EVI5L: variants seen among roughly 807,000 people sequenced by gnomAD.
EVI5L encodes the protein EVI5-like protein.
EVI5L carries 30 observed loss-of-function variants against 106.1 expected under a neutral mutation model. The ratio of observed to expected loss-of-function variants is 0.28; its 90% confidence interval spans 0.21 to 0.38. The LOEUF is 0.38. Among genes scored for constraint, EVI5L ranks in the 10% least tolerant of loss-of-function variants. The pLI is 1.00. For missense variants in EVI5L, 809 were observed against 1,098.0 expected (o/e 0.74, Z 3.72); for synonymous variants, 489 against 483.3 (o/e 1.01, Z -0.15).
Position 7,857,309 on chromosome 19 carries a change from G to A in EVI5L, c.1233+185G>A, listed in dbSNP as rs1979576827. ...CCCGGGGGGGCGGGGCATGTGAAGT[G>A]GGGAGAAGGGTGTGTGTGGAGGGGC... is the stretch of plus-strand genomic sequence containing the variant. On this transcript the variant is annotated intron_variant, in intron 12 of 19. Coordinates refer to ENST00000538904, the MANE Select transcript of EVI5L (RefSeq NM_001159944.3). The surrounding 1 kb of genome is among the most constrained non-coding windows in gnomAD (Gnocchi z 4.5). The A allele has an allele frequency of 4.1e-6, 3 of 727,874 alleles. No homozygotes were observed. The South Asian group carries it at 5.2e-5, about 13-fold the overall frequency. The allele number at this position is 727,874 out of a possible 1,614,324, so 45.1% of individuals were successfully genotyped here. A position where few individuals can be genotyped will look rare whatever the true frequency, so the allele number is the denominator to read the frequency against.
At chr19:7,837,510 T>C (rs1680566434) in intron 1 of EVI5L, among the ~76,000 whole-genome samples, 1 of 152,094 alleles carries the variant, frequency 6.6e-6, no homozygotes, top group African/African-American at 2.4e-5. Context: ...TATTGATATA[T>C]TATTATTAAC....
chr19:7,858,543 C>A lies in EVI5L; in HGVS notation c.1374+212C>A. ...TCCTGATATCCATTTCTTGCCACCTCATAGTGTGTCTGCAGTATCTGACTT... is the reference window on the plus strand; with the variant it reads ...TCCTGATATCCATTTCTTGCCACCTAATAGTGTGTCTGCAGTATCTGACTT... On this transcript the variant is annotated intron_variant, in intron 13 of 19. Coordinates refer to ENST00000538904, the MANE Select transcript of EVI5L (RefSeq NM_001159944.3). The surrounding 1 kb of genome is among the most constrained non-coding windows in gnomAD (Gnocchi z 5.7). The A allele has an allele frequency of 1.5e-6, 1 of 649,692 alleles. No individual in the cohort carries two copies. Among genetic ancestry groups the A allele is most frequent in the South Asian group, 2.0e-5 (1 of 50,506 alleles). The allele number at this position is 649,692 out of a possible 1,614,324, so 40.2% of individuals were successfully genotyped here.
intron 13 of EVI5L, 125 bp from the exon 14 acceptor site, chr19:7,860,436 C>T: frequency 1.2e-6 from 1 of 807,876 alleles, no homozygotes; most frequent in East Asian, 2.8e-5. Flanking sequence ...GCCCAGGACA[C>T]CCCAAGCCTG....
At chr19:7,853,855 A>G (rs1224802807) in intron 10 of EVI5L, among the ~76,000 whole-genome samples, 3 of 152,084 alleles carry the variant, frequency 2.0e-5, no homozygotes, top group African/African-American at 7.2e-5. Flanking sequence ...GTGGGCACTC[A>G]CCCGGGGCCC....
chr19:7,851,022 G>T (rs913161524), intron 6 of EVI5L, among the ~76,000 whole-genome samples: 6 of 60,334 alleles, frequency 9.9e-5, no homozygotes, highest in African/African-American at 1.9e-4. Context: ...GTAACAAGGT[G>T]GGGGGGGGGC....
At chr19:7,860,841 G>C in intron 14 of EVI5L, 152 bp downstream of exon 14, 1 of 956,208 alleles carries the variant, frequency 1.0e-6, no homozygotes, top group Non-Finnish European at 1.5e-6. Flanking sequence ...AACCCCACGC[G>C]GGGCATGCCC....
chr19:7,858,106 G>A lies in EVI5L; in HGVS notation c.1234-85G>A. 2 of 1,495,222 alleles carry A rather than the reference G, an allele frequency of 1.3e-6. No individual in the cohort carries two copies. The highest frequency in any genetic ancestry group is 9.0e-7 in the Non-Finnish European group (1 of 1,114,812). 92.6% of individuals were successfully genotyped at this position (1,495,222 alleles called of 1,614,324 possible). ...ACTTCCCCCCACCTCCACTCTCTGG[G>A]CCTCCCCCTGTGGCGGGAGGCAGGG... On this transcript the variant is annotated intron_variant, in intron 12 of 19. Coordinates refer to ENST00000538904, the MANE Select transcript of EVI5L (RefSeq NM_001159944.3). This position sits in a 1 kb window ranked among gnomAD's most constrained non-coding sequence, Gnocchi z 5.7.
At chr19:7,836,770 G>A (rs891186605) in intron 1 of EVI5L, among the ~76,000 whole-genome samples, 13 of 151,746 alleles carry the variant, frequency 8.6e-5, no homozygotes, top group African/African-American at 2.9e-4. Context: ...ATAGCCATGC[G>A]CCACTACACC....
At chr19:7,849,369 C>T (rs1428904789) in intron 5 of EVI5L, 39 bp downstream of exon 5, 5 of 1,609,166 alleles carry the variant, frequency 3.1e-6, no homozygotes, top group Non-Finnish European at 4.2e-6. Flanking sequence ...TGCCAGACAA[C>T]AGCCCACCCT....
rs919020490 is a variant in EVI5L, at chr19:7,853,137, G to T, written c.1039G>T (p.Val347Phe). 1 of 1,614,022 alleles carries T rather than the reference G, an allele frequency of 6.2e-7. No individual in the cohort carries two copies. The highest frequency in any genetic ancestry group is 8.5e-7 in the Non-Finnish European group (1 of 1,180,046). ...GTTCGACAGCTGCCCGGACAAGCTG[G>T]TCCTCAAAGCCTACCAGGTCAAGTA... ...HQFDSCPDKL[V>F]LKAYQVKYNP... Residue 347 changes from valine to phenylalanine, a missense_variant, in exon 9 of 20, where the codon GTC (valine) becomes TTC (phenylalanine). Transcript: ENST00000538904.
intron 1 of EVI5L, among the ~76,000 whole-genome samples, chr19:7,833,381 T>G (rs1197071202): frequency 6.6e-6 from 1 of 152,260 alleles, no homozygotes; most frequent in African/African-American, 2.4e-5. Context: ...CATTGACATA[T>G]TATCTCATTT....
intron 8 of EVI5L, among the ~76,000 whole-genome samples, chr19:7,852,268 C>T (rs1358215567): frequency 6.6e-6 from 1 of 152,242 alleles, no homozygotes; most frequent in Non-Finnish European, 1.5e-5. Context: ...GGGCCCCTGC[C>T]CCCTCCCCGC....
intron 1 of EVI5L, among the ~76,000 whole-genome samples, chr19:7,841,972 G>T (rs1444830539): frequency 1.3e-5 from 2 of 152,214 alleles, no homozygotes; most frequent in Non-Finnish European, 2.9e-5. Context: ...TTCCCAGGGG[G>T]TGAGCGCTGC....
chr19:7,848,426 G>A lies in EVI5L; in HGVS notation c.328-495G>A, dbSNP rs1038483417. On this transcript the variant is annotated intron_variant, in intron 3 of 19. Transcript: ENST00000538904. This position sits in a 1 kb window ranked among gnomAD's most constrained non-coding sequence, Gnocchi z 4.8. ...AGCCTGGCCAACATGGCGAAACTCC[G>A]ACTCTACTAAAAATACAAAAATTAG... 4.6e-5 allele frequency among the ~76,000 whole-genome samples: 7 copies of A among 152,064 alleles called. No individual in the cohort carries two copies. The highest frequency in any genetic ancestry group is 1.3e-4 in the Admixed American group (2 of 15,260).
At chr19:7,832,069 C>T (rs1232535179) in intron 1 of EVI5L, among the ~76,000 whole-genome samples, 1 of 152,218 alleles carries the variant, frequency 6.6e-6, no homozygotes, top group African/African-American at 2.4e-5. Context: ...AGCTAGAGGA[C>T]CCGTGTCCCT....
chr19:7,846,771 C>A (rs1978972091), intron 2 of EVI5L, 92 bp downstream of exon 2: 4 of 1,491,208 alleles, frequency 2.7e-6, no homozygotes, highest in South Asian at 1.3e-5. Context: ...CAGAGCCAGG[C>A]CCAGTGTGTG....
At chr19:7,832,978 C>T (rs532270344) in intron 1 of EVI5L, among the ~76,000 whole-genome samples, 3 of 152,246 alleles carry the variant, frequency 2.0e-5, no homozygotes, top group African/African-American at 4.8e-5. Context: ...GTATCTCTCA[C>T]GCACAGGAAA....
Position 7,848,007 on chromosome 19 carries a change from G to C in EVI5L, c.327+86G>C. The C allele has an allele frequency of 1.4e-6, 2 of 1,426,406 alleles. No homozygotes were observed. Among genetic ancestry groups the C allele is most frequent in the Non-Finnish European group, 1.9e-6 (2 of 1,074,462 alleles). The allele number at this position is 1,426,406 out of a possible 1,614,324, so 88.4% of individuals were successfully genotyped here. ...CAGCCACCAGGCAGCGCCAGGGTCT[G>C]CGGGGCCCCAGCCTGGGCACAGCGG... On this transcript the variant is annotated intron_variant, in intron 3 of 19. Transcript: ENST00000538904. This position sits in a 1 kb window ranked among gnomAD's most constrained non-coding sequence, Gnocchi z 4.8.
intron 1 of EVI5L, among the ~76,000 whole-genome samples, chr19:7,844,448 A>G (rs1484735015): frequency 6.6e-6 from 1 of 151,840 alleles, no homozygotes. Context: ...CTGCTCCCCA[A>G]CTCCATCTGT....
Sources: allele counts gnomAD v4.1 joint callset (sites outside exome capture counted in the v4.1 genomes callset), GRCh38; gene constraint gnomAD v4.1.1; non-coding constraint Gnocchi (gnomAD v3.1); transcripts MANE v1.5; gene names NCBI Gene and HGNC (gene_info 2026-07-23, HGNC 2026-07-21).